CCDC141: variants seen among roughly 807,000 people sequenced by gnomAD.
CCDC141 encodes the protein coiled-coil domain containing 141.
A neutral mutation model predicts 181.0 loss-of-function variants in CCDC141; 168 were observed. That is an observed-to-expected ratio of 0.93 (90% CI 0.82 to 1.05). The LOEUF is 1.05. CCDC141 is among the 50% of genes least tolerant of loss of function. The probability of loss-of-function intolerance (pLI) is 0.00; values close to 1 mark genes in which losing one functional copy is unlikely to be tolerated. For synonymous variants in CCDC141, 666 were observed against 642.3 expected (o/e 1.04, Z -0.56); for missense variants, 1,902 against 1,788.5 (o/e 1.06, Z -1.14).
intron 22 of CCDC141, among the ~76,000 whole-genome samples, chr2:178,838,782 C>T (rs1684597835): frequency 6.6e-6 from 1 of 152,164 alleles, no homozygotes; most frequent in Non-Finnish European, 1.5e-5. Flanking sequence ...TGAGTGTAGT[C>T]CTGCTAGGAG....
At chr2:178,988,818 G>A (rs12993732) in intron 2 of CCDC141, among the ~76,000 whole-genome samples, 60,430 of 151,994 alleles carry the variant, frequency 0.4, 13,925 homozygotes, top group Non-Finnish European at 0.54. Flanking sequence ...ATAGGGTAAT[G>A]GCCTAGAATT....
intron 5 of CCDC141, among the ~76,000 whole-genome samples, chr2:178,957,136 G>A (rs1156786733): frequency 6.6e-6 from 1 of 152,176 alleles, no homozygotes; most frequent in Non-Finnish European, 1.5e-5. Flanking sequence ...GCCTCCCAAA[G>A]TGCTGGGATT....
Position 178,982,657 on chromosome 2 carries a change from C to T in CCDC141, c.226-3982G>A, listed in dbSNP as rs578218473. ...GCGAGGCACTGCCTCCCTCGGGAAG[C>T]ACAAGGGGTCAGGGAGTTCCCTTTC... On this transcript the variant is annotated intron_variant, in intron 2 of 23. Coordinates refer to ENST00000443758, the MANE Select transcript of CCDC141 (RefSeq NM_173648.4). Among the ~76,000 whole-genome samples, 299 of 152,152 alleles carry T rather than the reference C, an allele frequency of 2.0e-3. 5 individuals are homozygous for T. The South Asian group carries it at 0.023, about 12-fold the overall frequency.
rs547829420 is a variant in CCDC141, at chr2:178,995,256, G to A, written c.226-16581C>T. ...AGTTCCACCTGTTCGGAGATGCCTCGCAATCAAGGCAGAAGGCAAGGAGGA... is the reference window on the plus strand; with the variant it reads ...AGTTCCACCTGTTCGGAGATGCCTCACAATCAAGGCAGAAGGCAAGGAGGA... On this transcript the variant is annotated intron_variant, in intron 2 of 23. Coordinates refer to ENST00000443758, the MANE Select transcript of CCDC141 (RefSeq NM_173648.4). Among the ~76,000 whole-genome samples, 12 of 152,282 alleles carry A rather than the reference G, an allele frequency of 7.9e-5. No homozygotes were observed. The South Asian group carries it at 8.3e-4, about 11-fold the overall frequency.
chr2:178,987,462 A>G (rs1360987669), intron 2 of CCDC141, among the ~76,000 whole-genome samples: 1 of 152,196 alleles, frequency 6.6e-6, no homozygotes, highest in Non-Finnish European at 1.5e-5. Flanking sequence ...GCCAAAATTG[A>G]CAAATGGGAA....
chr2:178,863,621 G>A (rs1022339715), intron 17 of CCDC141, among the ~76,000 whole-genome samples: 2 of 152,014 alleles, frequency 1.3e-5, no homozygotes, highest in African/African-American at 2.4e-5. Flanking sequence ...TAAGGGACAC[G>A]GAAAATATTC....
chr2:178,952,880 C>T (rs1460594066), intron 5 of CCDC141, among the ~76,000 whole-genome samples: 2 of 105,260 alleles, frequency 1.9e-5, no homozygotes, highest in South Asian at 4.9e-4. Flanking sequence ...ATTTTTTTCT[C>T]TTCTTTTTTT....
At chr2:179,038,050 T>C (rs538783173) in intron 2 of CCDC141, among the ~76,000 whole-genome samples, 3 of 152,148 alleles carry the variant, frequency 2.0e-5, no homozygotes, top group Non-Finnish European at 4.4e-5. Flanking sequence ...CTCAAACAGA[T>C]ACTCGTACAC....
At chr2:179,039,925 A>T (rs974679944) in intron 2 of CCDC141, among the ~76,000 whole-genome samples, 2 of 152,276 alleles carry the variant, frequency 1.3e-5, no homozygotes, top group African/African-American at 4.8e-5. Context: ...TCTGAAATAG[A>T]CTTTAGACTT....
chr2:178,909,047 C>A (rs979803489), intron 7 of CCDC141, among the ~76,000 whole-genome samples: 3 of 152,172 alleles, frequency 2.0e-5, no homozygotes, highest in African/African-American at 4.8e-5. Context: ...GAACATCTGC[C>A]ACTCTCAAAT....
chr2:178,955,517 C>T (rs1690123128), intron 5 of CCDC141, among the ~76,000 whole-genome samples: 1 of 152,038 alleles, frequency 6.6e-6, no homozygotes, highest in Admixed American at 6.5e-5. Context: ...GAATACTATA[C>T]ACTTATTAAA....
At position 178,905,335 on chromosome 2, in the gene CCDC141, G is replaced by C; in HGVS notation, c.1259C>G (p.Ser420Cys). The C allele has an allele frequency of 6.5e-7, 1 of 1,546,438 alleles. No homozygotes were observed. Among genetic ancestry groups the C allele is most frequent in the East Asian group, 2.4e-5 (1 of 40,838 alleles). The change falls in exon 8 of 24, where the codon TCC becomes TGC. Residue 420 changes from serine to cysteine, a missense_variant. Physicochemically the swap from Ser to Cys is moderately radical, Grantham distance 112. Coordinates refer to ENST00000443758, the MANE Select transcript of CCDC141 (RefSeq NM_173648.4). Reference sequence around the variant, plus strand: ...AGAAATCAACTTTACTCACCTGCAGGAGTCTACTTGGCTGATTAAGGTTTG... The same window carrying C: ...AGAAATCAACTTTACTCACCTGCAGCAGTCTACTTGGCTGATTAAGGTTTG... ...KGQTLISQVD[S>C]CSSQVSGIHE...
intron 1 of CCDC141, 94 bp downstream of exon 1, chr2:179,049,746 T>A (rs1014498161): frequency 4.2e-5 from 58 of 1,366,140 alleles, no homozygotes; most frequent in Non-Finnish European, 5.5e-5. Flanking sequence ...TTCTCTATGC[T>A]GTGTCCTGCC....
intron 17 of CCDC141, among the ~76,000 whole-genome samples, chr2:178,862,745 A>T (rs992190954): frequency 1.1e-4 from 17 of 152,218 alleles, no homozygotes; most frequent in African/African-American, 3.1e-4. Context: ...TTGGAAAAAA[A>T]TGGTTTTTTC....
At chr2:179,019,692 C>G (rs1305534113) in intron 2 of CCDC141, among the ~76,000 whole-genome samples, 2 of 152,078 alleles carry the variant, frequency 1.3e-5, no homozygotes, top group Non-Finnish European at 1.5e-5. Context: ...CAACATAGTT[C>G]CAATACATTG....
At chr2:178,990,042 G>A (rs1489961732) in intron 2 of CCDC141, among the ~76,000 whole-genome samples, 1 of 151,340 alleles carries the variant, frequency 6.6e-6, no homozygotes, top group Admixed American at 6.6e-5. Flanking sequence ...GAGATGCTAA[G>A]GCAGGAGAAT....
intron 6 of CCDC141, among the ~76,000 whole-genome samples, chr2:178,939,467 C>T (rs187652698): frequency 1.3e-5 from 2 of 152,198 alleles, no homozygotes; most frequent in African/African-American, 4.8e-5. Flanking sequence ...TGCTTTCTCT[C>T]CTTACCTCCC....
At chr2:178,976,336 C>T (rs1012698268) in intron 3 of CCDC141, among the ~76,000 whole-genome samples, 2 of 151,910 alleles carry the variant, frequency 1.3e-5, no homozygotes, top group Non-Finnish European at 2.9e-5. Flanking sequence ...AAGTCTTCTC[C>T]AAACTATCAT....
chr2:178,994,669 T>C (rs1692203229), intron 2 of CCDC141, among the ~76,000 whole-genome samples: 1 of 152,184 alleles, frequency 6.6e-6, no homozygotes, highest in African/African-American at 2.4e-5. Flanking sequence ...GGGATTTTCT[T>C]TTCTGTCGCA....
Sources: allele counts gnomAD v4.1 joint callset (sites outside exome capture counted in the v4.1 genomes callset), GRCh38; gene constraint gnomAD v4.1.1; transcripts MANE v1.5; gene names NCBI Gene and HGNC (gene_info 2026-07-23, HGNC 2026-07-21).